VAV3: variants seen among roughly 807,000 people sequenced by gnomAD.
VAV3 encodes guanine nucleotide exchange factor VAV3.
VAV3 carries 94 observed loss-of-function variants against 131.2 expected under a neutral mutation model. That is an observed-to-expected ratio of 0.72 (90% CI 0.61 to 0.85). VAV3 has a LOEUF of 0.85. VAV3 is among the 40% of genes least tolerant of loss of function. VAV3 has a pLI of 0.00. For missense variants in VAV3, 939 were observed against 1,002.7 expected, an observed-to-expected ratio of 0.94 and a Z score of 0.86; for synonymous variants, 349 against 342.0, an observed-to-expected ratio of 1.02 and a Z score of -0.22.
At chr1:107,586,312 G>A (rs929150877) in intron 25 of VAV3, among the ~76,000 whole-genome samples, 1 of 152,088 alleles carries the variant, frequency 6.6e-6, no homozygotes, top group Non-Finnish European at 1.5e-5. Context: ...CCCTGAAGTA[G>A]GCTCTCAATT....
chr1:107,848,573 G>A (rs959984623), intron 2 of VAV3, among the ~76,000 whole-genome samples: 5 of 152,020 alleles, frequency 3.3e-5, no homozygotes, highest in South Asian at 2.1e-4. Flanking sequence ...GGAACATATC[G>A]CAAAATAATA....
intron 1 of VAV3, among the ~76,000 whole-genome samples, chr1:107,879,582 T>C (rs913789342): frequency 6.6e-6 from 1 of 152,168 alleles, no homozygotes; most frequent in African/African-American, 2.4e-5. Flanking sequence ...ATTCATTCTT[T>C]GAGATTAGAA....
chr1:107,605,259 G>C (rs1289796671), intron 22 of VAV3, among the ~76,000 whole-genome samples: 1 of 152,164 alleles, frequency 6.6e-6, no homozygotes, highest in Admixed American at 6.5e-5. Context: ...GTATTGAAAG[G>C]TAGAATCCTT....
chr1:107,771,041 A>G (rs6673497), intron 5 of VAV3, among the ~76,000 whole-genome samples: 17,587 of 152,268 alleles, frequency 0.12, 1,154 homozygotes, highest in Non-Finnish European at 0.14. Context: ...AATGTACAGC[A>G]CACTTAACAA....
chr1:107,808,419 C>G (rs1470819933), intron 2 of VAV3, among the ~76,000 whole-genome samples: 1 of 152,108 alleles, frequency 6.6e-6, no homozygotes, highest in Non-Finnish European at 1.5e-5. Context: ...GCTTTTCAAA[C>G]TCCAAACATC....
intron 1 of VAV3, among the ~76,000 whole-genome samples, chr1:107,963,231 C>T (rs1557949780): frequency 6.6e-6 from 1 of 152,104 alleles, no homozygotes; most frequent in Non-Finnish European, 1.5e-5. Flanking sequence ...TCCTGACCCA[C>T]GCTGCCTCCT....
intron 20 of VAV3, among the ~76,000 whole-genome samples, chr1:107,633,160 T>A (rs903628092): frequency 1.3e-5 from 2 of 152,044 alleles, no homozygotes; most frequent in African/African-American, 4.8e-5. Context: ...CATCTAAACC[T>A]GTGATAGGAA....
chr1:107,812,582 A>G (rs1667369983), intron 2 of VAV3, among the ~76,000 whole-genome samples: 1 of 152,124 alleles, frequency 6.6e-6, no homozygotes, highest in Admixed American at 6.6e-5. Context: ...CGTATGGTGA[A>G]TAATGTATAG....
intron 17 of VAV3, among the ~76,000 whole-genome samples, chr1:107,694,709 T>A (rs1330945658): frequency 6.6e-6 from 1 of 152,162 alleles, no homozygotes; most frequent in Non-Finnish European, 1.5e-5. Flanking sequence ...ATTATAGTGA[T>A]CTTCAGGGCC....
At position 107,790,233 on chromosome 1, in the gene VAV3, T is replaced by C. The variant is rs567076962; in HGVS notation, c.322-10741A>G. On this transcript the variant is annotated intron_variant, in intron 2 of 26. Coordinates refer to ENST00000370056, the MANE Select transcript of VAV3 (RefSeq NM_006113.5). ...GGAAAATATCCTTCCACACAGGCCT[T>C]ATGTGCTTCCCATTTCCCCACTGCC... is the stretch of plus-strand genomic sequence containing the variant. Among the ~76,000 whole-genome samples, 13 of 152,294 alleles carry C rather than the reference T, an allele frequency of 8.5e-5. 1 individual carries two copies. In the South Asian group the frequency reaches 2.7e-3, roughly 32 times the overall value.
intron 1 of VAV3, among the ~76,000 whole-genome samples, chr1:107,955,513 G>GA (rs1254834342): frequency 4.6e-5 from 7 of 151,642 alleles, no homozygotes; most frequent in African/African-American, 1.5e-4. Context: ...GACGGATAAG[G>GA]AAAAAAAACT....
rs114952345 is a variant in VAV3, at chr1:107,832,556, A to G, written c.321+42345T>C. ...TTTCATTTCTATCTGAGTCTTTTAT[A>G]AAATAATTTAAAACACAAACTCCAA... On this transcript the variant is annotated intron_variant, in intron 2 of 26. Coordinates refer to ENST00000370056, the MANE Select transcript of VAV3 (RefSeq NM_006113.5). Among the ~76,000 whole-genome samples the G allele has an allele frequency of 3.2e-3, 494 of 152,364 alleles. 1 individual carries two copies. Among genetic ancestry groups the G allele is most frequent in the African/African-American group, 0.011 (462 of 41,588 alleles).
chr1:107,709,775 C>T (rs1660667763), intron 15 of VAV3, among the ~76,000 whole-genome samples: 1 of 152,166 alleles, frequency 6.6e-6, no homozygotes, highest in Admixed American at 6.5e-5. Flanking sequence ...CTTCCTGCTG[C>T]CATGTGAGAA....
chr1:107,661,041 GA>G (rs1209401911), intron 19 of VAV3, among the ~76,000 whole-genome samples: 12 of 151,468 alleles, frequency 7.9e-5, no homozygotes, highest in African/African-American at 1.2e-4. Context: ...AAGAAGTACA[GA>G]AAAAAAATCC....
At chr1:107,937,378 A>G (rs966714609) in intron 1 of VAV3, among the ~76,000 whole-genome samples, 1 of 152,194 alleles carries the variant, frequency 6.6e-6, no homozygotes, top group African/African-American at 2.4e-5. Context: ...CATCAGCACA[A>G]AAGGTTTTCT....
At chr1:107,934,878 G>A (rs1202486889) in intron 1 of VAV3, among the ~76,000 whole-genome samples, 1 of 152,250 alleles carries the variant, frequency 6.6e-6, no homozygotes. Flanking sequence ...AGGCAAATGA[G>A]AGGAGACGTG....
At chr1:107,786,423 G>A (rs2102255189) in intron 2 of VAV3, among the ~76,000 whole-genome samples, 1 of 152,320 alleles carries the variant, frequency 6.6e-6, no homozygotes, top group South Asian at 2.1e-4. Flanking sequence ...GTAAGGACGG[G>A]AGTCAAGATG....
intron 15 of VAV3, among the ~76,000 whole-genome samples, chr1:107,734,510 G>T (rs1165264342): frequency 1.1e-4 from 16 of 152,176 alleles, no homozygotes; most frequent in African/African-American, 3.9e-4. Flanking sequence ...AGGGATGGAG[G>T]AAGATCTACC....
At chr1:107,654,532 G>T (rs1656400722) in intron 19 of VAV3, among the ~76,000 whole-genome samples, 1 of 151,930 alleles carries the variant, frequency 6.6e-6, no homozygotes, top group Admixed American at 6.6e-5. Flanking sequence ...TACTGGTATT[G>T]CTTTGTCCTT....
Sources: gnomAD v4.1 joint callset for allele counts (sites outside exome capture counted in the v4.1 genomes callset) on GRCh38, gnomAD v4.1.1 for gene constraint, MANE v1.5 for transcripts, NCBI Gene and HGNC (gene_info 2026-07-23, HGNC 2026-07-21) for gene names.